Variants in ANKS1B observed in about 807,000 individuals in gnomAD.
ANKS1B encodes the protein ankyrin repeat and sterile alpha motif domain-containing protein 1B.
Under a neutral mutation model 148.3 loss-of-function variants are expected in ANKS1B, and 36 were observed. The ratio of observed to expected loss-of-function variants is 0.24; its 90% CI spans 0.19 to 0.32. ANKS1B has a LOEUF of 0.32. Among genes scored for constraint, ANKS1B ranks in the 10% least tolerant of loss-of-function variants. The pLI is 1.00. For missense variants in ANKS1B, 1,157 were observed against 1,542.6 expected (o/e 0.75, Z 4.19); for synonymous variants, 542 against 560.8 (o/e 0.97, Z 0.47).
intron 9 of ANKS1B, chr12:99,648,808 T>C: frequency 6.3e-7 from 1 of 1,597,014 alleles, no homozygotes; most frequent in African/African-American, 1.3e-5. Flanking sequence ...ATGCAGAGAC[T>C]AGATGGGGCC....
intron 12 of ANKS1B, among the ~76,000 whole-genome samples, chr12:99,256,359 C>A (rs2075273060): frequency 6.6e-6 from 1 of 151,690 alleles, no homozygotes; most frequent in Admixed American, 6.6e-5. Flanking sequence ...TCAATTACTT[C>A]TTCTATAATA....
At chr12:99,079,349 T>C (rs2048894388) in intron 16 of ANKS1B, among the ~76,000 whole-genome samples, 3 of 152,166 alleles carry the variant, frequency 2.0e-5, no homozygotes, top group Admixed American at 6.6e-5. Context: ...AAGGGGGTAA[T>C]TTAATCCATT....
chr12:99,234,763 C>CT (rs35192722), intron 14 of ANKS1B, among the ~76,000 whole-genome samples: 235 of 147,076 alleles, frequency 1.6e-3, no homozygotes, highest in East Asian at 3.2e-3. Flanking sequence ...GTCTGTCTGA[C>CT]TTTTTTTTTT....
chr12:98,777,887 ACACACAATGAATTAT>A (rs1225184359), intron 24 of ANKS1B, among the ~76,000 whole-genome samples: 1 of 152,222 alleles, frequency 6.6e-6, no homozygotes, highest in Admixed American at 6.5e-5. Context: ...AGAGTAATTA[ACACACAATGAATTAT>A]CACACAATGA....
intron 17 of ANKS1B, among the ~76,000 whole-genome samples, chr12:98,862,695 G>A (rs1418809961): frequency 6.6e-6 from 1 of 152,036 alleles, no homozygotes; most frequent in East Asian, 1.9e-4. Context: ...CTGAAAACTG[G>A]TTCATTGAAT....
intron 9 of ANKS1B, among the ~76,000 whole-genome samples, chr12:99,530,066 G>A (rs1303453624): frequency 1.3e-5 from 2 of 152,128 alleles, no homozygotes; most frequent in African/African-American, 4.8e-5. Flanking sequence ...TAACTACTCA[G>A]TATTGGTGTT....
At chr12:99,963,562 A>G (rs2095445075) in intron 1 of ANKS1B, among the ~76,000 whole-genome samples, 1 of 152,324 alleles carries the variant, frequency 6.6e-6, no homozygotes, top group East Asian at 1.9e-4. Context: ...TATTTCTGCA[A>G]TACTTCCAAC....
chr12:99,330,815 A>C (rs1450223493), intron 12 of ANKS1B, among the ~76,000 whole-genome samples: 1 of 151,986 alleles, frequency 6.6e-6, no homozygotes, highest in Non-Finnish European at 1.5e-5. Flanking sequence ...CTAGCTTATA[A>C]CTAACAGAAA....
chr12:99,043,595 T>A (rs556874595), intron 17 of ANKS1B, among the ~76,000 whole-genome samples: 1 of 152,340 alleles, frequency 6.6e-6, no homozygotes, highest in Non-Finnish European at 1.5e-5. Context: ...GCTCTTTCCT[T>A]AAGTTCAAAA....
intron 17 of ANKS1B, among the ~76,000 whole-genome samples, chr12:98,851,313 G>A (rs556101023): frequency 6.6e-6 from 1 of 152,306 alleles, no homozygotes; most frequent in South Asian, 2.1e-4. Context: ...GAAAAGTAGG[G>A]AGTGGCAATC....
chr12:99,330,256 G>T (rs942192013), intron 12 of ANKS1B, among the ~76,000 whole-genome samples: 1 of 151,910 alleles, frequency 6.6e-6, no homozygotes, highest in Non-Finnish European at 1.5e-5. Flanking sequence ...CATTGTTCTT[G>T]AAAGAGTTAA....
chr12:99,468,072 T>C (rs1368773889), intron 10 of ANKS1B, among the ~76,000 whole-genome samples: 5 of 152,164 alleles, frequency 3.3e-5, no homozygotes, highest in African/African-American at 1.2e-4. Flanking sequence ...AACAGCATGG[T>C]ACTGGTACCA....
At chr12:99,917,638 C>A (rs1438145353) in intron 1 of ANKS1B, among the ~76,000 whole-genome samples, 1 of 152,202 alleles carries the variant, frequency 6.6e-6, no homozygotes, top group African/African-American at 2.4e-5. Context: ...CATGCTTTTG[C>A]CTTTTTTGCC....
chr12:99,171,462 G>A (rs183626017), intron 14 of ANKS1B, among the ~76,000 whole-genome samples: 6 of 152,136 alleles, frequency 3.9e-5, no homozygotes, highest in African/African-American at 1.4e-4. Context: ...GGATCATAAC[G>A]CCGAGATTTA....
chr12:99,682,766 C>T (rs2153486397), intron 8 of ANKS1B, among the ~76,000 whole-genome samples: 1 of 151,972 alleles, frequency 6.6e-6, no homozygotes, highest in Non-Finnish European at 1.5e-5. Context: ...CAGAGTAGAA[C>T]TAATTGATAT....
intron 9 of ANKS1B, chr12:99,648,658 C>A (rs200706004): frequency 6.2e-7 from 1 of 1,614,180 alleles, no homozygotes. Context: ...AAGTGAAGAC[C>A]TTTTTGTTCA....
At chr12:99,536,128 C>T (rs1401085347) in intron 9 of ANKS1B, among the ~76,000 whole-genome samples, 1 of 152,156 alleles carries the variant, frequency 6.6e-6, no homozygotes, top group Non-Finnish European at 1.5e-5. Flanking sequence ...ACAGAACTCA[C>T]TCAGTGGGAA....
intron 8 of ANKS1B, among the ~76,000 whole-genome samples, chr12:99,716,470 G>C (rs1019671161): frequency 4.0e-5 from 6 of 151,860 alleles, no homozygotes; most frequent in Admixed American, 3.3e-4. Flanking sequence ...TTCTCCCTTA[G>C]CCTGTGTTCT....
chr12:99,738,403 G>A (rs986231447), intron 8 of ANKS1B, among the ~76,000 whole-genome samples: 13 of 152,030 alleles, frequency 8.6e-5, no homozygotes. Context: ...CTCCATATTT[G>A]TTGGGTCACT....
Sources: gnomAD v4.1 joint callset for allele counts (sites outside exome capture counted in the v4.1 genomes callset) on GRCh38, gnomAD v4.1.1 for gene constraint, MANE v1.5 for transcripts, NCBI Gene and HGNC (gene_info 2026-07-23, HGNC 2026-07-21) for gene names.